TPD52L1: variants seen among roughly 807,000 people sequenced by gnomAD.
TPD52L1 encodes the protein TPD52 like 1, also known as tumor protein D53.
Under a neutral mutation model 28.7 loss-of-function variants are expected in TPD52L1, and 18 were observed. The observed-to-expected ratio is 0.63, with a 90% CI of 0.43 to 0.93. TPD52L1 has a LOEUF of 0.93. Among genes scored for constraint, TPD52L1 ranks in the 40% least tolerant of loss-of-function variants. TPD52L1 has a pLI of 0.00. For synonymous variants in TPD52L1, 75 were observed against 88.8 expected (o/e 0.84, Z 0.88); for missense variants, 203 against 254.8 (o/e 0.80, Z 1.39).
intron 1 of TPD52L1, among the ~76,000 whole-genome samples, chr6:125,194,023 GTTTTTTTTTT>G (rs3040726): frequency 1.2e-4 from 15 of 124,072 alleles, no homozygotes; most frequent in Non-Finnish European, 2.5e-4. Context: ...CTTCTGAATA[GTTTTTTTTTT>G]TTTTTTTTTT....
intron 1 of TPD52L1, among the ~76,000 whole-genome samples, chr6:125,218,007 GACTT>G (rs1794993925): frequency 6.6e-6 from 1 of 152,084 alleles, no homozygotes; most frequent in Non-Finnish European, 1.5e-5. Context: ...ACTTTTGTGT[GACTT>G]ACAGTTTGTT....
intron 6 of TPD52L1, 177 bp from the exon 7 acceptor site, chr6:125,262,657 G>T: frequency 1.2e-6 from 1 of 812,570 alleles, no homozygotes; most frequent in South Asian, 2.1e-5. Flanking sequence ...GAGAACCCAA[G>T]TATGAATAAT....
At chr6:125,254,810 T>C (rs1006417457) in intron 5 of TPD52L1, among the ~76,000 whole-genome samples, 4 of 152,214 alleles carry the variant, frequency 2.6e-5, no homozygotes, top group African/African-American at 9.6e-5. Context: ...GTTGTACATC[T>C]GATTAAATCT....
chr6:125,245,559 C>G (rs1363149897), intron 3 of TPD52L1, among the ~76,000 whole-genome samples: 1 of 152,122 alleles, frequency 6.6e-6, no homozygotes, highest in African/African-American at 2.4e-5. Flanking sequence ...TTGGGCGGGT[C>G]AGACTCTCCT....
intron 1 of TPD52L1, among the ~76,000 whole-genome samples, chr6:125,172,544 A>ACACATACATACATACATATACACAC (rs1562214780): frequency 2.1e-5 from 2 of 97,200 alleles, no homozygotes; most frequent in African/African-American, 8.9e-5. Flanking sequence ...ATATATATAT[A>ACACATACATACATACATATACACAC]TATATATAAT....
intron 1 of TPD52L1, among the ~76,000 whole-genome samples, chr6:125,177,674 C>T (rs1582867218): frequency 1.3e-5 from 2 of 152,088 alleles, no homozygotes; most frequent in Non-Finnish European, 2.9e-5. Flanking sequence ...TGTTTAGAGG[C>T]TTATTTTTAA....
chr6:125,215,215 T>C (rs1011820669), intron 1 of TPD52L1, among the ~76,000 whole-genome samples: 9 of 152,228 alleles, frequency 5.9e-5, no homozygotes, highest in Non-Finnish European at 1.2e-4. Context: ...CATCTGTCAT[T>C]TGGTATCTTT....
intron 3 of TPD52L1, among the ~76,000 whole-genome samples, chr6:125,238,282 T>C (rs1265703308): frequency 2.6e-5 from 4 of 152,196 alleles, no homozygotes; most frequent in African/African-American, 9.7e-5. Context: ...GTGTTTTTAT[T>C]TCTAGTCTTT....
rs1309911811 is a variant in TPD52L1, at chr6:125,263,337, C to T, written c.*375C>T. On this transcript the variant is annotated 3_prime_UTR_variant, in exon 7 of 7. Transcript: ENST00000534000. ...TGCATGTCCTTGAAGGCTGAATGAA[C>T]AGTCCCTTTCAGTTCAGCAGATCAA... The T allele has an allele frequency of 5.1e-6, 1 of 194,832 alleles. No homozygotes were observed. The highest frequency in any genetic ancestry group is 5.4e-5 in the Admixed American group (1 of 18,436). 12.1% of individuals were successfully genotyped at this position (194,832 alleles called of 1,614,324 possible). A position where few individuals can be genotyped will look rare whatever the true frequency, so the allele number is the denominator to read the frequency against.
At chr6:125,240,073 T>A (rs1796526618) in intron 3 of TPD52L1, among the ~76,000 whole-genome samples, 1 of 152,224 alleles carries the variant, frequency 6.6e-6, no homozygotes, top group Admixed American at 6.5e-5. Context: ...TGCCATTTGT[T>A]GAATAGGGTG....
chr6:125,214,719 A>G (rs993951950), intron 1 of TPD52L1, among the ~76,000 whole-genome samples: 4 of 152,204 alleles, frequency 2.6e-5, no homozygotes, highest in Admixed American at 2.6e-4. Flanking sequence ...CCAGCTAGGA[A>G]AATATTACAT....
intron 1 of TPD52L1, among the ~76,000 whole-genome samples, chr6:125,181,320 A>G (rs1284184067): frequency 6.6e-6 from 1 of 152,184 alleles, no homozygotes; most frequent in Non-Finnish European, 1.5e-5. Flanking sequence ...AATAACCAAG[A>G]GAACTGAATG....
At chr6:125,219,902 C>G in intron 1 of TPD52L1, 176 bp from the exon 2 acceptor site, 1 of 658,942 alleles carries the variant, frequency 1.5e-6, no homozygotes. Flanking sequence ...TCTTGGTATT[C>G]TTTGCTTTCT....
chr6:125,156,167 A>C (rs1433183220), intron 1 of TPD52L1, among the ~76,000 whole-genome samples: 1 of 152,172 alleles, frequency 6.6e-6, no homozygotes, highest in African/African-American at 2.4e-5. Flanking sequence ...GAACAGATTT[A>C]ATAAATACTT....
intron 1 of TPD52L1, among the ~76,000 whole-genome samples, chr6:125,169,392 C>T (rs565909534): frequency 3.9e-4 from 60 of 152,232 alleles, no homozygotes; most frequent in African/African-American, 1.4e-3. Context: ...CTACATGATA[C>T]GTCTGCATGG....
At chr6:125,192,947 A>C (rs1235711555) in intron 1 of TPD52L1, among the ~76,000 whole-genome samples, 1 of 152,242 alleles carries the variant, frequency 6.6e-6, no homozygotes. Context: ...GGTTGTTGAT[A>C]ATAATCATTG....
chr6:125,255,061 C>T (rs1229017417), intron 5 of TPD52L1, among the ~76,000 whole-genome samples: 1 of 152,142 alleles, frequency 6.6e-6, no homozygotes, highest in Non-Finnish European at 1.5e-5. Flanking sequence ...AATAAGAATG[C>T]CCCAGTTGGG....
At chr6:125,219,946 C>T in intron 1 of TPD52L1, 132 bp from the exon 2 acceptor site, 1 of 733,632 alleles carries the variant, frequency 1.4e-6, no homozygotes, top group South Asian at 1.5e-5. Flanking sequence ...GGATTTTTGT[C>T]TTTTCTGGAA....
intron 1 of TPD52L1, among the ~76,000 whole-genome samples, chr6:125,219,356 G>T (rs2114958997): frequency 6.6e-6 from 1 of 152,280 alleles, no homozygotes; most frequent in East Asian, 1.9e-4. Flanking sequence ...AAGAACCCCG[G>T]CTCTTCCCAT....
Sources: gnomAD v4.1 joint callset for allele counts (sites outside exome capture counted in the v4.1 genomes callset) on GRCh38, gnomAD v4.1.1 for gene constraint, MANE v1.5 for transcripts, NCBI Gene and HGNC (gene_info 2026-07-23, HGNC 2026-07-21) for gene names.